PPID: variants seen among roughly 807,000 people sequenced by gnomAD.
PPID encodes the protein peptidylprolyl isomerase D, also known as peptidyl-prolyl cis-trans isomerase D.
Under a neutral mutation model 48.1 loss-of-function variants are expected in PPID, and 47 were observed. The observed-to-expected ratio is 0.98, with a 90% CI of 0.77 to 1.25. The LOEUF is 1.25. Ranked by LOEUF, PPID falls within the 50% of genes most tolerant of loss-of-function variation. PPID has a pLI of 0.00. For missense variants in PPID, 429 were observed against 443.5 expected (o/e 0.97, Z 0.29); for synonymous variants, 163 against 148.8 (o/e 1.10, Z -0.69).
chr4:158,721,852 C>T (rs1252896764), intron 1 of PPID, among the ~76,000 whole-genome samples: 1 of 152,114 alleles, frequency 6.6e-6, no homozygotes, highest in East Asian at 1.9e-4. Flanking sequence ...AACATAATGT[C>T]CTCCATATTA....
chr4:158,715,798 C>T, intron 4 of PPID, 114 bp from the exon 5 acceptor site: 1 of 1,179,216 alleles, frequency 8.5e-7, no homozygotes, highest in Non-Finnish European at 1.2e-6. Flanking sequence ...TGTGAGAAGG[C>T]TCATTTATGT....
chr4:158,720,687 A>G (rs1316313278), intron 2 of PPID, among the ~76,000 whole-genome samples: 1 of 143,732 alleles, frequency 7.0e-6, no homozygotes, highest in Non-Finnish European at 1.5e-5. Context: ...CTCAGGCCCA[A>G]AAATTATGCA....
In PPID at chr4:158,715,678, C is replaced by A; in HGVS notation, c.529G>T (p.Val177Phe). Residue 177 changes from valine (V) to phenylalanine (F), a missense_variant, in exon 5 of 10, where the codon GTT becomes TTT. By Grantham distance (50) the Val-to-Phe change is conservative. Coordinates refer to ENST00000307720, the MANE Select transcript of PPID (RefSeq NM_005038.3). Reference protein sequence around the residue: ...VKGEKPAKLCVIAECGELKEG... With the variant: ...VKGEKPAKLCFIAECGELKEG... ...TTCAATTCTCCACATTCTGCAATAACGCACAACTGTAAAAATAACCCTAAA... is the reference window on the plus strand; with the variant it reads ...TTCAATTCTCCACATTCTGCAATAAAGCACAACTGTAAAAATAACCCTAAA... 1 of 1,608,368 alleles carries A rather than the reference C, an allele frequency of 6.2e-7. No individual in the cohort carries two copies. The highest frequency in any genetic ancestry group is 8.5e-7 in the Non-Finnish European group (1 of 1,174,808).
rs1774996928 is a variant in PPID at position 158,723,366 on chromosome 4, T to C, written c.-78A>G. 4 of 1,426,116 alleles carry C rather than the reference T, an allele frequency of 2.8e-6. No individual in the cohort carries two copies. Among genetic ancestry groups the C allele is most frequent in the Non-Finnish European group, 3.9e-6 (4 of 1,025,864 alleles). 88.3% of individuals were successfully genotyped at this position (1,426,116 alleles called of 1,614,324 possible). Reference sequence around the variant, plus strand: ...CGGGCCGCCCAAACTCCAGAGTCCGTCTCCGCCGGAGACCGGCAGCGACGC... The same window carrying C: ...CGGGCCGCCCAAACTCCAGAGTCCGCCTCCGCCGGAGACCGGCAGCGACGC... On this transcript the variant is annotated 5_prime_UTR_variant, in exon 1 of 10. Coordinates refer to ENST00000307720, the MANE Select transcript of PPID (RefSeq NM_005038.3).
chr4:158,711,318 C>CCA (rs1554033878), intron 7 of PPID, among the ~76,000 whole-genome samples: 2 of 152,154 alleles, frequency 1.3e-5, no homozygotes, highest in African/African-American at 4.8e-5. Flanking sequence ...CTCAACCCCC[C>CCA]AGGCTCAAGT....
At chr4:158,720,960 C>G (rs1561257830) in intron 2 of PPID, among the ~76,000 whole-genome samples, 2 of 152,054 alleles carry the variant, frequency 1.3e-5, no homozygotes, top group African/African-American at 4.8e-5. Context: ...GTGATTCACC[C>G]GCCTCAGCCT....
intron 4 of PPID, among the ~76,000 whole-genome samples, chr4:158,715,906 A>C (rs1373380564): frequency 6.6e-6 from 1 of 152,192 alleles, no homozygotes; most frequent in African/African-American, 2.4e-5. Flanking sequence ...ACACAGAATA[A>C]GTTGGCAATT....
intron 4 of PPID, 67 bp downstream of exon 4, chr4:158,716,945 C>T (rs1278747985): frequency 1.3e-6 from 2 of 1,491,086 alleles, no homozygotes; most frequent in East Asian, 2.3e-5. Flanking sequence ...TGGAACAGAT[C>T]GAGACTCCGT....
At chr4:158,719,997 TC>T (rs1774931596) in intron 2 of PPID, among the ~76,000 whole-genome samples, 1 of 151,916 alleles carries the variant, frequency 6.6e-6, no homozygotes, top group Non-Finnish European at 1.5e-5. Flanking sequence ...AACACACACT[TC>T]CCCCAGCAAC....
intron 1 of PPID, among the ~76,000 whole-genome samples, chr4:158,722,888 A>T (rs1774986440): frequency 6.6e-6 from 1 of 152,234 alleles, no homozygotes; most frequent in Non-Finnish European, 1.5e-5. Flanking sequence ...CAAACATAAA[A>T]TATTTCATGC....
chr4:158,723,019 C>T (rs1774988541), intron 1 of PPID, among the ~76,000 whole-genome samples, 185 bp downstream of exon 1: 1 of 152,234 alleles, frequency 6.6e-6, no homozygotes, highest in Non-Finnish European at 1.5e-5. Context: ...GGCATTGATA[C>T]AAGGGCGCTG....
intron 1 of PPID, among the ~76,000 whole-genome samples, chr4:158,722,744 G>A (rs1774984139): frequency 6.6e-6 from 1 of 152,200 alleles, no homozygotes; most frequent in Non-Finnish European, 1.5e-5. Flanking sequence ...TAAGGCAAAA[G>A]CAATGAGCAA....
Position 158,710,902 on chromosome 4 carries a change from A to G in PPID, c.895-54T>C, listed in dbSNP as rs554209620. On this transcript the variant is annotated intron_variant, in intron 7 of 9. Coordinates refer to ENST00000307720, the MANE Select transcript of PPID (RefSeq NM_005038.3). ...TATCAAAGTATTAAGCTTATATGCC[A>G]GATTTCAATTCATTGCCTATCAACT... The G allele has an allele frequency of 8.9e-6, 13 of 1,467,814 alleles. No individual in the cohort carries two copies. In the South Asian group the frequency reaches 1.3e-4, roughly 15 times the overall value. 90.9% of individuals were successfully genotyped at this position (1,467,814 alleles called of 1,614,324 possible).
At position 158,723,333 on chromosome 4, in the gene PPID, T is replaced by A; in HGVS notation, c.-45A>T. On this transcript the variant is annotated 5_prime_UTR_variant, in exon 1 of 10. Coordinates refer to ENST00000307720, the MANE Select transcript of PPID (RefSeq NM_005038.3). Reference sequence around the variant, plus strand: ...TAGTACGGAATATCAGAGTACCTAGTGGCCGCCCGGGCCGCCCAAACTCCA... The same window carrying A: ...TAGTACGGAATATCAGAGTACCTAGAGGCCGCCCGGGCCGCCCAAACTCCA... 6.3e-7 allele frequency: 1 copy of A among 1,577,588 alleles called. No homozygotes were observed. Among genetic ancestry groups the A allele is most frequent in the Non-Finnish European group, 8.7e-7 (1 of 1,150,396 alleles).
chr4:158,715,752 G>A, intron 4 of PPID, 68 bp from the exon 5 acceptor site: 2 of 1,524,494 alleles, frequency 1.3e-6, no homozygotes, highest in Non-Finnish European at 1.8e-6. Context: ...CTATACAGCT[G>A]AAGTCATGTG....
chr4:158,714,735 C>T (rs982976148), intron 6 of PPID, among the ~76,000 whole-genome samples: 12 of 152,016 alleles, frequency 7.9e-5, no homozygotes, highest in African/African-American at 2.7e-4. Context: ...GGATTACAGG[C>T]GTGCGCCACC....
At position 158,709,774 on chromosome 4, in the gene PPID, C is replaced by A; in HGVS notation, c.1075G>T (p.Asp359Tyr). 3 of 1,611,928 alleles carry A rather than the reference C, an allele frequency of 1.9e-6. No homozygotes were observed. The highest frequency in any genetic ancestry group is 2.5e-6 in the Non-Finnish European group (3 of 1,178,930). Residue 359 changes from aspartate (D) to tyrosine (Y), a missense_variant, in exon 10 of 10, where the codon GAT becomes TAT. Physicochemically the swap from Asp to Tyr is radical, Grantham distance 160 (BLOSUM62 -3). Transcript: ENST00000307720. ...KVKQKIKAQK[D>Y]KEKAVYAKMF... ...TTTGCATATACTGCCTTCTCTTTAT[C>A]TTTCTGTGCCTTTATCTTTTGTTTG...
intron 1 of PPID, 82 bp from the exon 2 acceptor site, chr4:158,721,565 G>T: frequency 6.8e-7 from 1 of 1,475,612 alleles, no homozygotes. Context: ...AATTATGGTA[G>T]CAGATCAATC....
At chr4:158,723,009 G>A (rs1003192217) in intron 1 of PPID, among the ~76,000 whole-genome samples, 195 bp downstream of exon 1, 2 of 152,236 alleles carry the variant, frequency 1.3e-5, no homozygotes, top group South Asian at 2.1e-4. Flanking sequence ...CACCACCGAT[G>A]GCATTGATAC....
Sources: gnomAD v4.1 joint callset for allele counts (sites outside exome capture counted in the v4.1 genomes callset) on GRCh38, gnomAD v4.1.1 for gene constraint, MANE v1.5 for transcripts, NCBI Gene and HGNC (gene_info 2026-07-23, HGNC 2026-07-21) for gene names.